DDO: variants seen among roughly 807,000 people sequenced by gnomAD.
DDO encodes the protein D-aspartate oxidase.
A neutral mutation model predicts 16.8 loss-of-function variants in DDO; 16 were observed. That is an observed-to-expected ratio of 0.95 (90% CI 0.65 to 1.45). The LOEUF is 1.45. DDO is among the 40% of genes most tolerant of loss of function. The pLI is 0.00. For missense variants in DDO, 429 were observed against 420.3 expected (o/e 1.02, Z -0.18); for synonymous variants, 180 against 167.2 (o/e 1.08, Z -0.59).
At chr6:110,397,818 C>T (rs148866259) in intron 4 of DDO, among the ~76,000 whole-genome samples, 1 of 152,246 alleles carries the variant, frequency 6.6e-6, no homozygotes, top group African/African-American at 2.4e-5. Flanking sequence ...GACTGGTCAC[C>T]TTTATGTTGT....
chr6:110,413,582 C>T, intron 1 of DDO, 116 bp from the exon 2 acceptor site: 1 of 1,018,292 alleles, frequency 9.8e-7, no homozygotes, highest in Non-Finnish European at 1.5e-6. Flanking sequence ...TAAGACTTAG[C>T]CTATTGGTGT....
intron 4 of DDO, among the ~76,000 whole-genome samples, chr6:110,394,557 C>T (rs143786071): frequency 6.6e-6 from 1 of 152,298 alleles, no homozygotes; most frequent in East Asian, 1.9e-4. Context: ...TGCTTGCATG[C>T]GGGGCACTGC....
intron 4 of DDO, among the ~76,000 whole-genome samples, chr6:110,397,027 G>A (rs140881022): frequency 4.2e-4 from 64 of 152,210 alleles, no homozygotes; most frequent in African/African-American, 1.5e-3. Flanking sequence ...AGCTTAGGAG[G>A]CCTCTACCCT....
At chr6:110,390,145 C>T (rs1220466125), downstream of DDO, among the ~76,000 whole-genome samples, 1 of 152,184 alleles carries the variant, frequency 6.6e-6, no homozygotes, top group Non-Finnish European at 1.5e-5. Context: ...TAAGTGAGCA[C>T]ATCCCTCTGA....
intron 1 of DDO, among the ~76,000 whole-genome samples, chr6:110,413,869 G>C (rs1773950068): frequency 6.6e-6 from 1 of 152,120 alleles, no homozygotes; most frequent in South Asian, 2.1e-4. Flanking sequence ...CGCCTCCCAG[G>C]TTCAAGCAAT....
intron 2 of DDO, among the ~76,000 whole-genome samples, chr6:110,409,646 C>T (rs889912386): frequency 1.6e-4 from 24 of 152,164 alleles, no homozygotes; most frequent in African/African-American, 5.6e-4. Flanking sequence ...AACATGTGCC[C>T]ATGTGAAATT....
At chr6:110,411,586 A>T (rs972301713) in intron 2 of DDO, among the ~76,000 whole-genome samples, 2 of 152,206 alleles carry the variant, frequency 1.3e-5, no homozygotes, top group African/African-American at 4.8e-5. Flanking sequence ...GAAATAAAAA[A>T]TTCAATAGCA....
chr6:110,392,623 T>C lies in DDO; in HGVS notation c.*152A>G. On this transcript the variant is annotated 3_prime_UTR_variant, in exon 5 of 5. Transcript: ENST00000368924. The stretch of plus-strand genomic sequence containing the variant: ...TCTCAAGTAGCTGGGACTATAGGCA[T>C]GCCACCGTGCTCAGCTTACATGTTA... 1.5e-6 allele frequency: 2 copies of C among 1,311,580 alleles called. No individual in the cohort carries two copies. Among genetic ancestry groups the C allele is most frequent in the Non-Finnish European group, 9.7e-7 (1 of 1,034,406 alleles). 81.2% of individuals were successfully genotyped at this position (1,311,580 alleles called of 1,614,324 possible). A position where few individuals can be genotyped will look rare whatever the true frequency, so the allele number is the denominator to read the frequency against.
At chr6:110,400,644 C>T (rs1007980576) in intron 4 of DDO, among the ~76,000 whole-genome samples, 4 of 152,240 alleles carry the variant, frequency 2.6e-5, no homozygotes, top group African/African-American at 7.2e-5. Context: ...GCAATGAGCC[C>T]TCTCTCCCAG....
rs747589305 is a variant in DDO, at chr6:110,415,518, C to G, written c.-56G>C. 5.0e-6 allele frequency: 8 copies of G among 1,614,186 alleles called. No homozygotes were observed. Among genetic ancestry groups the G allele is most frequent in the Non-Finnish European group, 5.9e-6 (7 of 1,180,024 alleles). Reference sequence around the variant, plus strand: ...GCCACCAAAATCTCTGGCACCAAACCTTGTTTCCCAGTGCCTGGCTGGTCT... The same window carrying G: ...GCCACCAAAATCTCTGGCACCAAACGTTGTTTCCCAGTGCCTGGCTGGTCT... On this transcript the variant is annotated 5_prime_UTR_variant, in exon 1 of 5. Transcript: ENST00000368924.
At chr6:110,405,971 G>T (rs1380522778) in intron 3 of DDO, among the ~76,000 whole-genome samples, 1 of 152,124 alleles carries the variant, frequency 6.6e-6, no homozygotes, top group African/African-American at 2.4e-5. Context: ...AAGCATAGTT[G>T]CTAATAATTC....
intron 4 of DDO, among the ~76,000 whole-genome samples, chr6:110,397,697 G>T (rs1253257345): frequency 6.6e-6 from 1 of 152,318 alleles, no homozygotes; most frequent in East Asian, 1.9e-4. Context: ...AGTCCAACTT[G>T]TGCCTGGTGA....
intron 4 of DDO, among the ~76,000 whole-genome samples, chr6:110,402,912 G>A (rs1773528271): frequency 6.6e-6 from 1 of 152,084 alleles, no homozygotes; most frequent in Non-Finnish European, 1.5e-5. Flanking sequence ...TCCGTGATCT[G>A]CTGGAGACCA....
chr6:110,388,707 A>G (rs904241194), downstream of DDO: 5 of 728,720 alleles, frequency 6.9e-6, no homozygotes, highest in Non-Finnish European at 8.4e-6. Context: ...GGCTCAAAGC[A>G]GCCTCGTTCC....
intron 4 of DDO, among the ~76,000 whole-genome samples, chr6:110,395,719 A>C (rs1773268103): frequency 6.6e-6 from 1 of 152,230 alleles, no homozygotes; most frequent in Admixed American, 6.5e-5. Flanking sequence ...AATGGTGGTC[A>C]ATGATGGCAT....
intron 4 of DDO, among the ~76,000 whole-genome samples, chr6:110,400,643 C>G (rs988233303): frequency 1.3e-5 from 2 of 152,228 alleles, no homozygotes; most frequent in Non-Finnish European, 2.9e-5. Context: ...AGCAATGAGC[C>G]CTCTCTCCCA....
chr6:110,392,578 A>G lies in DDO; in HGVS notation c.*197T>C. ...GATTGCACTCAAACTCCTGGGCTCA[A>G]CAATCCTCCTGCCTCAGCCTCTCAA... On this transcript the variant is annotated 3_prime_UTR_variant, in exon 5 of 5. Transcript: ENST00000368924. 8.0e-7 allele frequency: 1 copy of G among 1,250,712 alleles called. No individual in the cohort carries two copies. Among genetic ancestry groups the G allele is most frequent in the Non-Finnish European group, 1.0e-6 (1 of 999,472 alleles). The allele number at this position is 1,250,712 out of a possible 1,614,324, so 77.5% of individuals were successfully genotyped here. A position where few individuals can be genotyped will look rare whatever the true frequency, so the allele number is the denominator to read the frequency against.
At chr6:110,399,535 GC>G (rs1773403688) in intron 4 of DDO, among the ~76,000 whole-genome samples, 1 of 152,118 alleles carries the variant, frequency 6.6e-6, no homozygotes. Flanking sequence ...CCGGGACGCG[GC>G]CCTCCCGCCC....
chr6:110,406,538 C>A (rs1475978182), intron 3 of DDO, among the ~76,000 whole-genome samples: 1 of 152,214 alleles, frequency 6.6e-6, no homozygotes, highest in African/African-American at 2.4e-5. Flanking sequence ...TCCCACAAAT[C>A]TATTCTCCAC....
Sources: gnomAD v4.1 joint callset for allele counts (sites outside exome capture counted in the v4.1 genomes callset) on GRCh38, gnomAD v4.1.1 for gene constraint, MANE v1.5 for transcripts, NCBI Gene and HGNC (gene_info 2026-07-23, HGNC 2026-07-21) for gene names.